SLC14A2: variants seen among roughly 807,000 people sequenced by gnomAD.
SLC14A2 encodes solute carrier family 14 member 2, also known as urea transporter 2.
SLC14A2 carries 91 observed loss-of-function variants against 104.6 expected under a neutral mutation model. That is an observed-to-expected ratio of 0.87 (90% CI 0.73 to 1.04). The LOEUF (loss-of-function observed/expected upper bound fraction) is 1.04, where lower values mean the gene tolerates loss of function less well. SLC14A2 is among the 50% of genes least tolerant of loss of function. The pLI, the probability that SLC14A2 is intolerant of heterozygous loss-of-function variation, is 0.00. For missense variants in SLC14A2, 1,189 were observed against 1,156.0 expected (o/e 1.03, Z -0.41); for synonymous variants, 476 against 466.4 (o/e 1.02, Z -0.27).
chr18:45,502,298 C>T (rs1226925539), intron 2 of SLC14A2, among the ~76,000 whole-genome samples: 1 of 152,174 alleles, frequency 6.6e-6, no homozygotes, highest in Non-Finnish European at 1.5e-5. Context: ...TTTCACATAT[C>T]ATCTTGAACT....
At chr18:45,285,292 G>A (rs1476763337) in intron 1 of SLC14A2, among the ~76,000 whole-genome samples, 1 of 152,178 alleles carries the variant, frequency 6.6e-6, no homozygotes, top group African/African-American at 2.4e-5. Context: ...AAAACCTAAT[G>A]CTCAAAGAAG....
At chr18:45,641,100 G>T (rs1191679697) in intron 7 of SLC14A2, 109 bp from the exon 8 acceptor site, 10 of 1,128,698 alleles carry the variant, frequency 8.9e-6, no homozygotes, top group Non-Finnish European at 1.3e-5. Context: ...GTTTGGAGAT[G>T]TGGGGTGAAC....
intron 2 of SLC14A2, among the ~76,000 whole-genome samples, chr18:45,610,363 G>C (rs2044952414): frequency 6.6e-6 from 1 of 152,160 alleles, no homozygotes; most frequent in Non-Finnish European, 1.5e-5. Flanking sequence ...CTCAATCCTG[G>C]CTGAACATTA....
At chr18:45,280,254 T>A (rs528413060) in intron 1 of SLC14A2, among the ~76,000 whole-genome samples, 46 of 152,220 alleles carry the variant, frequency 3.0e-4, no homozygotes, top group Admixed American at 2.5e-3. Context: ...AGGGCGCCGC[T>A]GATGTGCACA....
intron 1 of SLC14A2, among the ~76,000 whole-genome samples, chr18:45,311,098 C>A (rs908668107): frequency 1.3e-5 from 2 of 152,044 alleles, no homozygotes; most frequent in African/African-American, 4.8e-5. Context: ...AGTCAGCCAG[C>A]AAGAACAAGG....
chr18:45,537,576 G>C (rs2043813744), intron 2 of SLC14A2, among the ~76,000 whole-genome samples: 1 of 152,192 alleles, frequency 6.6e-6, no homozygotes, highest in African/African-American at 2.4e-5. Flanking sequence ...AGGAACAGAA[G>C]ACAGCTTTGT....
At chr18:45,316,170 C>T (rs1231358460) in intron 1 of SLC14A2, among the ~76,000 whole-genome samples, 3 of 152,186 alleles carry the variant, frequency 2.0e-5, no homozygotes, top group East Asian at 3.9e-4. Flanking sequence ...AAAGCAGAGG[C>T]CAGCAGAGTC....
At chr18:45,276,895 A>T (rs2084708489) in intron 1 of SLC14A2, among the ~76,000 whole-genome samples, 1 of 152,210 alleles carries the variant, frequency 6.6e-6, no homozygotes, top group South Asian at 2.1e-4. Flanking sequence ...CTTTGCTTTA[A>T]TTGCTTGTCT....
At chr18:45,186,249 T>G in the SLC14A2 span, among the ~76,000 whole-genome samples, 35,675 of 152,112 alleles carry the variant, frequency 0.23, 4,514 homozygotes, top group Non-Finnish European at 0.3. Context: ...AAAGACTATA[T>G]AATACTGGTT....
chr18:45,666,016 C>A, intron 11 of SLC14A2, 121 bp from the exon 12 acceptor site: 1 of 683,826 alleles, frequency 1.5e-6, no homozygotes, highest in Non-Finnish European at 2.6e-6. Context: ...TCTGTGCTTC[C>A]TCAGTAGGAA....
chr18:45,627,620 G>A (rs9965006), intron 4 of SLC14A2, among the ~76,000 whole-genome samples: 13,012 of 152,220 alleles, frequency 0.085, 607 homozygotes, highest in South Asian at 0.14. Flanking sequence ...GTGGGAAGGG[G>A]CACTGAGGAA....
chr18:45,220,370 C>T (rs1056077652), intron 1 of SLC14A2, among the ~76,000 whole-genome samples: 5 of 152,170 alleles, frequency 3.3e-5, no homozygotes, highest in Admixed American at 6.5e-5. Context: ...GCCCTTACTA[C>T]GCACAGACTA....
chr18:45,281,518 T>C lies in SLC14A2; in HGVS notation c.-125+68327T>C, dbSNP rs763672547. On this transcript the variant is annotated intron_variant, in intron 1 of 20. Transcript: ENST00000586448. Reference sequence around the variant, plus strand: ...ACAAAATATGGAATAAGTTTAGATATTTTTTGTTTGTTTCTTCAGGCTCTT... The same window carrying C: ...ACAAAATATGGAATAAGTTTAGATACTTTTTGTTTGTTTCTTCAGGCTCTT... 5.3e-5 allele frequency among the ~76,000 whole-genome samples: 8 copies of C among 152,234 alleles called. No individual in the cohort carries two copies. In the South Asian group the frequency reaches 8.3e-4, roughly 16 times the overall value.
At chr18:45,554,580 C>T (rs918105518) in intron 2 of SLC14A2, among the ~76,000 whole-genome samples, 13 of 152,032 alleles carry the variant, frequency 8.6e-5, no homozygotes, top group African/African-American at 1.9e-4. Context: ...CTGCGCATGG[C>T]CACATCTGGA....
At chr18:45,191,654 C>T in the SLC14A2 span, among the ~76,000 whole-genome samples, 1 of 152,146 alleles carries the variant, frequency 6.6e-6, no homozygotes. Context: ...GGGGGAAATT[C>T]TAGGGCTTTC....
At chr18:45,440,700 G>A (rs1421168997) in intron 1 of SLC14A2, among the ~76,000 whole-genome samples, 1 of 152,110 alleles carries the variant, frequency 6.6e-6, no homozygotes, top group Non-Finnish European at 1.5e-5. Flanking sequence ...CTCTCTCAAA[G>A]CTTCCATTTT....
intron 2 of SLC14A2, among the ~76,000 whole-genome samples, chr18:45,559,026 T>C (rs2044169888): frequency 6.6e-6 from 1 of 152,082 alleles, no homozygotes; most frequent in Non-Finnish European, 1.5e-5. Flanking sequence ...CCTGGCCTCG[T>C]GGTCCGCCCG....
chr18:45,230,810 ACT>A (rs1042217547), intron 1 of SLC14A2, among the ~76,000 whole-genome samples: 48 of 152,172 alleles, frequency 3.2e-4, no homozygotes, highest in Admixed American at 1.2e-3. Flanking sequence ...GGAAAGGAAG[ACT>A]CCAGGAGAGT....
chr18:45,230,424 C>T (rs957722359), intron 1 of SLC14A2, among the ~76,000 whole-genome samples: 2 of 152,162 alleles, frequency 1.3e-5, no homozygotes, highest in African/African-American at 4.8e-5. Context: ...TGGGCCCTAT[C>T]TTTCATTTTC....
Sources: gnomAD v4.1 joint callset for allele counts (sites outside exome capture counted in the v4.1 genomes callset) on GRCh38, gnomAD v4.1.1 for gene constraint, MANE v1.5 for transcripts, NCBI Gene and HGNC (gene_info 2026-07-23, HGNC 2026-07-21) for gene names.